Variants in ENTREP2 observed in about 807,000 individuals in gnomAD.
ENTREP2 encodes endosomal transmembrane epsin interactor 2.
At chr15:29,475,193 A>G in the ENTREP2 span, among the ~76,000 whole-genome samples, 1 of 152,108 alleles carries the variant, frequency 6.6e-6, no homozygotes, top group African/African-American at 2.4e-5. Context: ...TCCTCACTGC[A>G]CAGATGCCAA....
At chr15:29,626,929 A>G in the ENTREP2 span, among the ~76,000 whole-genome samples, 3 of 152,196 alleles carry the variant, frequency 2.0e-5, no homozygotes, top group African/African-American at 7.2e-5. Context: ...TATTGTTGCC[A>G]GTCTTGAGAT....
chr15:29,282,092 G>A, the ENTREP2 span, among the ~76,000 whole-genome samples: 1 of 152,168 alleles, frequency 6.6e-6, no homozygotes, highest in African/African-American at 2.4e-5. Context: ...CATATGTCAT[G>A]GACATCATGT....
chr15:29,615,264 T>G, the ENTREP2 span, among the ~76,000 whole-genome samples: 1 of 152,094 alleles, frequency 6.6e-6, no homozygotes, highest in Admixed American at 6.5e-5. Context: ...CAAGCGATTC[T>G]GCTGCCTCAG....
At chr15:29,220,527 G>A in the ENTREP2 span, among the ~76,000 whole-genome samples, 16 of 152,194 alleles carry the variant, frequency 1.1e-4, no homozygotes, top group Non-Finnish European at 2.1e-4. Flanking sequence ...ATGTGGCTGA[G>A]GAAGGAGAGG....
chr15:29,490,071 G>A, the ENTREP2 span, among the ~76,000 whole-genome samples: 2 of 152,142 alleles, frequency 1.3e-5, no homozygotes, highest in Admixed American at 6.6e-5. Context: ...GTCCATTCTC[G>A]CTCTCCAGTA....
the ENTREP2 span, among the ~76,000 whole-genome samples, chr15:29,325,660 C>G: frequency 6.7e-6 from 1 of 148,394 alleles, no homozygotes; most frequent in Non-Finnish European, 1.5e-5. Flanking sequence ...CTGACGAATC[C>G]TACTAAACAC....
At chr15:29,135,546 AC>A in the ENTREP2 span, among the ~76,000 whole-genome samples, 1 of 152,026 alleles carries the variant, frequency 6.6e-6, no homozygotes, top group Non-Finnish European at 1.5e-5. This position sits in a 1 kb window ranked among gnomAD's most constrained non-coding sequence, Gnocchi z 7.4. Flanking sequence ...AGGAAACAAT[AC>A]CCCAAAAGGG....
the ENTREP2 span, chr15:29,269,255 T>A: frequency 1.9e-6 from 3 of 1,614,144 alleles, no homozygotes; most frequent in East Asian, 6.7e-5. Context: ...AGGATGTAAG[T>A]GTTGCTCTTG....
the ENTREP2 span, among the ~76,000 whole-genome samples, chr15:29,368,386 A>G: frequency 6.6e-6 from 1 of 151,750 alleles, no homozygotes; most frequent in Non-Finnish European, 1.5e-5. Context: ...ACACACACAT[A>G]TATATACACA....
chr15:29,269,142 C>T, the ENTREP2 span: 1 of 1,614,154 alleles, frequency 6.2e-7, no homozygotes, highest in Admixed American at 1.7e-5. Context: ...TGTTGCCCTT[C>T]ATAAAGATGA....
At chr15:29,577,461 C>T in the ENTREP2 span, among the ~76,000 whole-genome samples, 16 of 151,904 alleles carry the variant, frequency 1.1e-4, no homozygotes, top group African/African-American at 3.9e-4. Flanking sequence ...TCAGGCAATC[C>T]TCTCACCTCA....
the ENTREP2 span, among the ~76,000 whole-genome samples, chr15:29,655,746 C>T: frequency 6.6e-6 from 1 of 152,090 alleles, no homozygotes; most frequent in African/African-American, 2.4e-5. Flanking sequence ...AAAAAACAAA[C>T]CGGGCACAGT....
At chr15:29,287,272 T>C in the ENTREP2 span, among the ~76,000 whole-genome samples, 2 of 152,070 alleles carry the variant, frequency 1.3e-5, no homozygotes, top group African/African-American at 4.8e-5. Context: ...TTCACTGTAT[T>C]GCATCCTTGT....
chr15:29,302,097 T>C, the ENTREP2 span, among the ~76,000 whole-genome samples: 2 of 152,224 alleles, frequency 1.3e-5, no homozygotes, highest in African/African-American at 4.8e-5. Context: ...GTTTTTTTCA[T>C]TTTTGATGTT....
the ENTREP2 span, among the ~76,000 whole-genome samples, chr15:29,454,988 C>A: frequency 6.6e-6 from 1 of 152,202 alleles, no homozygotes; most frequent in South Asian, 2.1e-4. Context: ...ACAGTCCTCC[C>A]ATGGAAAGAG....
chr15:29,128,762 T>G, the ENTREP2 span: 3 of 1,533,800 alleles, frequency 2.0e-6, no homozygotes, highest in South Asian at 3.6e-5. Flanking sequence ...AACACCCCAC[T>G]TCAGGAGCTG....
chr15:29,125,772 G>A, the ENTREP2 span, among the ~76,000 whole-genome samples: 1 of 152,240 alleles, frequency 6.6e-6, no homozygotes, highest in African/African-American at 2.4e-5. Context: ...CCTGGTGCCA[G>A]GTCCTAGGCT....
At chr15:29,126,649 A>T in the ENTREP2 span, among the ~76,000 whole-genome samples, 1 of 152,234 alleles carries the variant, frequency 6.6e-6, no homozygotes, top group Non-Finnish European at 1.5e-5. Context: ...TGCTGTTGAA[A>T]GTTGGGGGCA....
At chr15:29,397,957 A>C in the ENTREP2 span, among the ~76,000 whole-genome samples, 1 of 151,972 alleles carries the variant, frequency 6.6e-6, no homozygotes, top group Non-Finnish European at 1.5e-5. Context: ...ATCAATATTT[A>C]ATGAATTTCC....
Sources: gnomAD v4.1 joint callset for allele counts (sites outside exome capture counted in the v4.1 genomes callset) on GRCh38, gnomAD v4.1.1 for gene constraint, Gnocchi (gnomAD v3.1) non-coding constraint, MANE v1.5 for transcripts, NCBI Gene and HGNC (gene_info 2026-07-23, HGNC 2026-07-21) for gene names.